PSD3: variants seen among roughly 807,000 people sequenced by gnomAD.
PSD3 encodes the protein PH and SEC7 domain-containing protein 3.
Under a neutral mutation model 105.5 loss-of-function variants are expected in PSD3, and 49 were observed. The ratio of observed to expected loss-of-function variants is 0.46; its 90% CI spans 0.37 to 0.59. The LOEUF (loss-of-function observed/expected upper bound fraction) is 0.59. PSD3 is among the 20% of genes least tolerant of loss of function. The pLI is 0.00. For missense variants in PSD3, 1,561 were observed against 1,263.8 expected (o/e 1.24, Z -3.57); for synonymous variants, 557 against 457.8 (o/e 1.22, Z -2.77).
chr8:18,578,180 T>C (rs940248624), intron 12 of PSD3, among the ~76,000 whole-genome samples: 3 of 152,098 alleles, frequency 2.0e-5, no homozygotes, highest in African/African-American at 7.2e-5. Context: ...CCTTTAATCT[T>C]AGGATTCAGG....
intron 9 of PSD3, among the ~76,000 whole-genome samples, chr8:18,678,111 G>A (rs1338426240): frequency 1.3e-5 from 2 of 151,978 alleles, no homozygotes; most frequent in African/African-American, 4.8e-5. Context: ...ACTTAACATA[G>A]GAGAGCCAAG....
intron 8 of PSD3, among the ~76,000 whole-genome samples, chr8:18,768,145 A>T (rs1258037756): frequency 7.1e-6 from 1 of 140,378 alleles, no homozygotes; most frequent in Non-Finnish European, 1.6e-5. Context: ...AAATAGCCGG[A>T]TGTCATGGCG....
At chr8:18,976,364 A>G (rs1291009584) in intron 1 of PSD3, among the ~76,000 whole-genome samples, 1 of 152,238 alleles carries the variant, frequency 6.6e-6, no homozygotes, top group Non-Finnish European at 1.5e-5. Context: ...CCAATTAAAA[A>G]TTGTAGCATC....
intron 2 of PSD3, among the ~76,000 whole-genome samples, chr8:18,907,389 G>A (rs1246767254): frequency 1.3e-5 from 2 of 152,050 alleles, no homozygotes; most frequent in Non-Finnish European, 2.9e-5. Context: ...GCCCAGGCTG[G>A]TCTTTGAAAT....
intron 15 of PSD3, among the ~76,000 whole-genome samples, chr8:18,551,170 G>T (rs1177576579): frequency 2.0e-5 from 3 of 152,078 alleles, no homozygotes; most frequent in Non-Finnish European, 4.4e-5. Flanking sequence ...CTAGATAATG[G>T]CCCCTACTAT....
At chr8:18,561,397 G>A (rs1174960473) in intron 14 of PSD3, among the ~76,000 whole-genome samples, 1 of 152,142 alleles carries the variant, frequency 6.6e-6, no homozygotes, top group Admixed American at 6.5e-5. Flanking sequence ...GATATTGGAT[G>A]ATCTCATATA....
In PSD3 at chr8:18,531,839, A is replaced by T. The variant is rs1272452991; in HGVS notation, c.*3904T>A. On this transcript the variant is annotated 3_prime_UTR_variant, in exon 16 of 16. Transcript: ENST00000327040. ...CAATTGGAAAAAATTCTGTCATTTG[A>T]AAAGTCAAGGGATGACTCACTGCTG... 2 of 152,212 alleles carry T rather than the reference A, an allele frequency of 1.3e-5. No individual in the cohort carries two copies. Among genetic ancestry groups the T allele is most frequent in the Non-Finnish European group, 2.9e-5 (2 of 68,042 alleles). The allele number at this position is 152,212 out of a possible 1,614,324, so 9.4% of individuals were successfully genotyped here.
At chr8:18,881,752 T>C (rs192817574) in intron 2 of PSD3, among the ~76,000 whole-genome samples, 60 of 152,336 alleles carry the variant, frequency 3.9e-4, no homozygotes, top group Admixed American at 7.8e-4. Flanking sequence ...TTGTCTTGTA[T>C]TGTTTTGTTG....
chr8:19,065,775 T>A (rs912107244), intron 1 of PSD3, among the ~76,000 whole-genome samples: 1 of 152,116 alleles, frequency 6.6e-6, no homozygotes, highest in Non-Finnish European at 1.5e-5. Context: ...GAAGGCTTCA[T>A]TATATGGCAT....
intron 1 of PSD3, among the ~76,000 whole-genome samples, chr8:18,982,680 G>T (rs1213616831): frequency 6.6e-6 from 1 of 152,224 alleles, no homozygotes; most frequent in Non-Finnish European, 1.5e-5. Context: ...CATGGCTGAA[G>T]AGCAGTGATA....
intron 9 of PSD3, among the ~76,000 whole-genome samples, chr8:18,763,258 T>A (rs551118660): frequency 6.6e-6 from 1 of 152,204 alleles, no homozygotes; most frequent in Non-Finnish European, 1.5e-5. Context: ...GCAGTTTCTA[T>A]ATATGATTAT....
rs1177100570 is a variant in PSD3, at chr8:18,949,240, AAAAAAT to A, written c.22-13104_22-13099del. 1.7e-4 allele frequency among the ~76,000 whole-genome samples: 6 copies of A among 35,424 alleles called. No homozygotes were observed. In the East Asian group the frequency reaches 2.3e-3, roughly 13 times the overall value. The allele number at this position is 35,424 out of a possible 152,430, so 23.2% of individuals were successfully genotyped here. A position where few individuals can be genotyped will look rare whatever the true frequency, so the allele number is the denominator to read the frequency against. On this transcript the variant is annotated intron_variant, in intron 1 of 15. Transcript: ENST00000327040. ...CTGTCTCAAAAAAAAAAAAAAAAAAAAAAAATATATATATATATATATATATATATA... is the reference window on the plus strand; with the variant it reads ...CTGTCTCAAAAAAAAAAAAAAAAAAAATATATATATATATATATATATATA...
chr8:18,941,639 A>C (rs1237610679), intron 1 of PSD3, among the ~76,000 whole-genome samples: 1 of 151,678 alleles, frequency 6.6e-6, no homozygotes, highest in East Asian at 1.9e-4. Flanking sequence ...TTTAGACACA[A>C]GATAAGCACT....
chr8:19,062,702 G>A (rs918594400), intron 1 of PSD3, among the ~76,000 whole-genome samples: 1 of 152,094 alleles, frequency 6.6e-6, no homozygotes, highest in African/African-American at 2.4e-5. Context: ...AAAAATAATA[G>A]AAGTTGTGTT....
chr8:18,693,308 A>C (rs6982296), intron 9 of PSD3, among the ~76,000 whole-genome samples: 138,470 of 152,202 alleles, frequency 0.91, 63,475 homozygotes, highest in Middle Eastern at 0.97. Context: ...GCCCCAAATC[A>C]TGGTTTCTAC....
At chr8:18,958,202 G>A (rs1026838196) in intron 1 of PSD3, among the ~76,000 whole-genome samples, 2 of 151,982 alleles carry the variant, frequency 1.3e-5, no homozygotes, top group African/African-American at 2.4e-5. Context: ...TGAAACTACC[G>A]CCAAGATATA....
intron 4 of PSD3, among the ~76,000 whole-genome samples, chr8:18,809,117 T>TTG (rs1811465971): frequency 2.0e-5 from 3 of 152,260 alleles, no homozygotes. Context: ...TTTTGTTTTC[T>TTG]TGAATACACA....
chr8:19,073,265 G>C (rs1030964371), intron 1 of PSD3, among the ~76,000 whole-genome samples: 14 of 152,238 alleles, frequency 9.2e-5, no homozygotes, highest in Admixed American at 5.2e-4. Flanking sequence ...ATTAAGACAG[G>C]CCTGGCAGGG....
chr8:18,738,011 T>C (rs1213448861), intron 9 of PSD3, among the ~76,000 whole-genome samples: 3 of 152,174 alleles, frequency 2.0e-5, no homozygotes, highest in Non-Finnish European at 2.9e-5. Context: ...CTAGAAGCTA[T>C]CTTTGCTAGA....
Sources: allele counts gnomAD v4.1 joint callset (sites outside exome capture counted in the v4.1 genomes callset), GRCh38; gene constraint gnomAD v4.1.1; transcripts MANE v1.5; gene names NCBI Gene and HGNC (gene_info 2026-07-23, HGNC 2026-07-21).